Variants in TECRL observed in about 807,000 individuals in gnomAD.
TECRL encodes the protein trans-2,3-enoyl-CoA reductase-like.
A neutral mutation model predicts 52.8 loss-of-function variants in TECRL; 63 were observed. The ratio of observed to expected loss-of-function variants is 1.19; its 90% CI spans 0.97 to 1.47. The LOEUF (loss-of-function observed/expected upper bound fraction) is 1.47. TECRL is among the 40% of genes most tolerant of loss of function. TECRL has a pLI of 0.00. For synonymous variants in TECRL, 164 were observed against 141.9 expected, an observed-to-expected ratio of 1.16 and a Z score of -1.10; for missense variants, 482 against 429.6, an observed-to-expected ratio of 1.12 and a Z score of -1.08.
Position 64,409,318 on chromosome 4 carries a change from G to C in TECRL, c.34C>G (p.Arg12Gly). 4.3e-6 allele frequency: 7 copies of C among 1,613,618 alleles called. No individual in the cohort carries two copies. The highest frequency in any genetic ancestry group is 5.9e-6 in the Non-Finnish European group (7 of 1,179,716). ...CTTTGGGAAAGTAATGCTCTCTTGC[G>C]TTCCGAAGCGAGGGACTTGTGCCTT... The part of the protein sequence containing the change: ...FKRHKSLASE[R>G]KRALLSQRAT... The change falls in exon 1 of 12, where the codon CGC (arginine) becomes GGC (glycine). Residue 12 changes from arginine to glycine, a missense_variant. Transcript: ENST00000381210.
chr4:64,309,792 C>T (rs1724558277), intron 6 of TECRL, 34 bp downstream of exon 6: 1 of 1,333,316 alleles, frequency 7.5e-7, no homozygotes, highest in South Asian at 1.2e-5. Context: ...TATAAAATGT[C>T]TCAATCATTA....
chr4:64,284,211 C>T (rs1722972947), intron 9 of TECRL, among the ~76,000 whole-genome samples: 1 of 151,934 alleles, frequency 6.6e-6, no homozygotes, highest in African/African-American at 2.4e-5. Context: ...TAATGATATG[C>T]ACCTGGAAGC....
rs566953633 is a variant in TECRL at position 64,279,692 on chromosome 4, A to T, written c.*380T>A. 3 of 663,442 alleles carry T rather than the reference A, an allele frequency of 4.5e-6. No individual in the cohort carries two copies. In the South Asian group the frequency reaches 2.0e-4, roughly 45 times the overall value. 41.1% of individuals were successfully genotyped at this position (663,442 alleles called of 1,614,324 possible). Reference sequence around the variant, plus strand: ...GAGCATTTTAAAAATATACTTATTGACCATGTATATGTCTTCCTTTGGGAA... The same window carrying T: ...GAGCATTTTAAAAATATACTTATTGTCCATGTATATGTCTTCCTTTGGGAA... On this transcript the variant is annotated 3_prime_UTR_variant, in exon 12 of 12. Transcript: ENST00000381210.
chr4:64,304,156 A>G (rs1443656062), intron 7 of TECRL, among the ~76,000 whole-genome samples: 3 of 151,968 alleles, frequency 2.0e-5, no homozygotes, highest in Non-Finnish European at 2.9e-5. Context: ...TCAGAAGTGT[A>G]TCTTATTAAC....
intron 3 of TECRL, among the ~76,000 whole-genome samples, chr4:64,325,702 T>A (rs1276394324): frequency 2.6e-5 from 4 of 151,890 alleles, no homozygotes; most frequent in Non-Finnish European, 5.9e-5. Context: ...TGGCTTTGTA[T>A]CACTTGAAAG....
At chr4:64,333,051 A>G (rs1718758375) in intron 2 of TECRL, among the ~76,000 whole-genome samples, 1 of 151,992 alleles carries the variant, frequency 6.6e-6, no homozygotes. Flanking sequence ...ATACACATAT[A>G]TTGATATATA....
At chr4:64,337,394 C>G (rs1222040384) in intron 2 of TECRL, among the ~76,000 whole-genome samples, 3 of 152,144 alleles carry the variant, frequency 2.0e-5, no homozygotes, top group Non-Finnish European at 4.4e-5. Context: ...TCTCACCACT[C>G]CTATTCAACA....
chr4:64,356,467 A>G (rs1018244555), intron 2 of TECRL, among the ~76,000 whole-genome samples: 3 of 152,212 alleles, frequency 2.0e-5, no homozygotes, highest in Admixed American at 2.0e-4. Flanking sequence ...GGTGGGAGGC[A>G]GGACATGTCG....
chr4:64,281,091 T>C lies in TECRL; in HGVS notation c.919-5A>G, dbSNP rs1577790464. ...GAAACTAATCCATGATCCAATCTGT[T>C]ATATTAAAACTTAAATTAGCACATA... On this transcript the variant is annotated splice_region_variant and splice_polypyrimidine_tract_variant and intron_variant, in intron 10 of 11. Transcript: ENST00000381210. 6.3e-7 allele frequency: 1 copy of C among 1,596,974 alleles called. No homozygotes were observed. The highest frequency in any genetic ancestry group is 1.3e-5 in the African/African-American group (1 of 74,752).
intron 5 of TECRL, among the ~76,000 whole-genome samples, chr4:64,313,977 CAAAAAAAAAAA>C (rs752037972): frequency 3.2e-5 from 2 of 61,960 alleles, no homozygotes; most frequent in Non-Finnish European, 7.1e-5. Flanking sequence ...ACTAAAAATA[CAAAAAAAAAAA>C]AAAAAAAAAA....
At position 64,309,287 on chromosome 4, in the gene TECRL, C is replaced by A. The variant is rs565529282; in HGVS notation, c.657+539G>T. 2.6e-5 allele frequency among the ~76,000 whole-genome samples: 4 copies of A among 152,178 alleles called. No individual in the cohort carries two copies. In the South Asian group the frequency reaches 8.3e-4, roughly 32 times the overall value. On this transcript the variant is annotated intron_variant, in intron 6 of 11. Transcript: ENST00000381210. The stretch of plus-strand genomic sequence containing the variant: ...CTTTAAATTGAAAAACAAAATTTAG[C>A]TTAAATTGAAAATTGAGTTTCAACA...
At chr4:64,382,009 A>T (rs147654688) in intron 1 of TECRL, among the ~76,000 whole-genome samples, 1,861 of 151,930 alleles carry the variant, frequency 0.012, 45 homozygotes, top group African/African-American at 0.042. Flanking sequence ...GAGAAAAATT[A>T]TCATTAGTTC....
chr4:64,342,009 C>G (rs1719610869), intron 2 of TECRL, among the ~76,000 whole-genome samples: 1 of 152,158 alleles, frequency 6.6e-6, no homozygotes, highest in Non-Finnish European at 1.5e-5. Flanking sequence ...GTAGCATGAG[C>G]TCAGTGCAAC....
intron 2 of TECRL, among the ~76,000 whole-genome samples, chr4:64,336,677 A>G (rs1167083859): frequency 1.3e-5 from 2 of 152,104 alleles, no homozygotes; most frequent in Non-Finnish European, 2.9e-5. Context: ...ACACTGCTTT[A>G]AATGTGTCCC....
intron 5 of TECRL, among the ~76,000 whole-genome samples, chr4:64,310,895 A>G (rs980746525): frequency 3.9e-5 from 6 of 151,934 alleles, no homozygotes; most frequent in Admixed American, 3.3e-4. Context: ...ATTTTTTTGT[A>G]TTTTTTGTAG....
chr4:64,385,445 C>T (rs947994398), intron 1 of TECRL, among the ~76,000 whole-genome samples: 6 of 152,136 alleles, frequency 3.9e-5, no homozygotes, highest in Non-Finnish European at 7.4e-5. Context: ...TACTTTAACT[C>T]TCTTTGTCCT....
intron 8 of TECRL, among the ~76,000 whole-genome samples, chr4:64,293,139 G>A (rs1480853602): frequency 6.6e-6 from 1 of 151,950 alleles, no homozygotes; most frequent in Admixed American, 6.6e-5. Flanking sequence ...TCGTCATAAG[G>A]ATAAATACAA....
At chr4:64,408,477 A>G (rs1724877358) in intron 1 of TECRL, among the ~76,000 whole-genome samples, 1 of 151,974 alleles carries the variant, frequency 6.6e-6, no homozygotes, top group Non-Finnish European at 1.5e-5. Flanking sequence ...ACCTAAGAAG[A>G]GTATATTTTC....
chr4:64,312,421 C>T (rs143096206), intron 5 of TECRL, among the ~76,000 whole-genome samples: 96 of 152,228 alleles, frequency 6.3e-4, no homozygotes, highest in African/African-American at 2.2e-3. Context: ...TAATGTGGCA[C>T]AAATACATTC....
Sources: gnomAD v4.1 joint callset for allele counts (sites outside exome capture counted in the v4.1 genomes callset) on GRCh38, gnomAD v4.1.1 for gene constraint, MANE v1.5 for transcripts, NCBI Gene and HGNC (gene_info 2026-07-23, HGNC 2026-07-21) for gene names.